GABRA3: variants seen among roughly 807,000 people sequenced by gnomAD.
GABRA3 encodes the protein gamma-aminobutyric acid receptor subunit alpha-3.
In GABRA3, 10 loss-of-function variants were observed where a neutral mutation model predicts 30.1. That is an observed-to-expected ratio of 0.33 (90% CI 0.20 to 0.56). The LOEUF is 0.56. Ranked by LOEUF, GABRA3 falls within the 20% of genes least tolerant of loss-of-function variation. The pLI, the probability that GABRA3 is intolerant of heterozygous loss-of-function variation, is 0.89. For synonymous variants in GABRA3, 151 were observed against 146.8 expected (o/e 1.03, Z -0.21); for missense variants, 233 against 392.0 (o/e 0.59, Z 3.42).
chrX:152,309,751 C>T (rs1187301468), intron 3 of GABRA3, among the ~76,000 whole-genome samples: 3 of 111,678 alleles, frequency 2.7e-5, no homozygotes, highest in East Asian at 2.8e-4. Context: ...CAGTTAACAA[C>T]GTGGTAACAG....
At position 152,293,578 on chromosome X, in the gene GABRA3, A is replaced by C. The variant is rs1403941844; in HGVS notation, c.263-8843T>G. The stretch of plus-strand genomic sequence containing the variant: ...TTACAATTAAGGTTAACAACTGTTA[A>C]CATTACAATAACAACAATAATAACA... On this transcript the variant is annotated intron_variant, in intron 3 of 9. Transcript: ENST00000370314. Among the ~76,000 whole-genome samples the C allele has an allele frequency of 5.4e-4, 60 of 111,386 alleles. 3 individuals are homozygous for C. The highest frequency in any genetic ancestry group is 1.1e-4 in the Non-Finnish European group (6 of 53,040).
chrX:152,384,800 G>C (rs778297514), intron 1 of GABRA3, among the ~76,000 whole-genome samples: 2 of 111,999 alleles, frequency 1.8e-5, no homozygotes, highest in South Asian at 7.3e-4. Context: ...ATGCAAGAAA[G>C]TGAGTAAACA....
intron 1 of GABRA3, among the ~76,000 whole-genome samples, chrX:152,395,965 T>C (rs1035851725): frequency 8.9e-6 from 1 of 111,953 alleles, no homozygotes; most frequent in African/African-American, 3.2e-5. Context: ...GTAAATGCTA[T>C]TATGGGTTGA....
chrX:152,254,767 G>A (rs1271345657), intron 5 of GABRA3, among the ~76,000 whole-genome samples: 5 of 111,404 alleles, frequency 4.5e-5, no homozygotes, highest in African/African-American at 1.6e-4. Flanking sequence ...CATTATTTGA[G>A]GTTTGTTCTG....
chrX:152,447,498 A>T (rs181592454), intron 1 of GABRA3, among the ~76,000 whole-genome samples: 25 of 111,553 alleles, frequency 2.2e-4, no homozygotes. Flanking sequence ...CCCACAACTA[A>T]TGTCAAATGG....
At chrX:152,326,230 G>C (rs1235230648) in intron 3 of GABRA3, among the ~76,000 whole-genome samples, 3 of 111,706 alleles carry the variant, frequency 2.7e-5, no homozygotes, top group African/African-American at 9.8e-5. Flanking sequence ...ACATCTGATT[G>C]GTGTACCTGA....
At position 152,322,899 on chromosome X, in the gene GABRA3, C is replaced by T. The variant is rs1391906205; in HGVS notation, c.262+22682G>A. Among the ~76,000 whole-genome samples the T allele has an allele frequency of 7.0e-5, 6 of 85,834 alleles. No individual in the cohort carries two copies. In the Admixed American group the frequency reaches 9.0e-4, roughly 13 times the overall value. 74.5% of individuals were successfully genotyped at this position (85,834 alleles called of 115,157 possible). ...GACAAAGTCTTGCTCTGTCACCAGG[C>T]TGGAGTGCAGTGGCGCAATCTCGGC... On this transcript the variant is annotated intron_variant, in intron 3 of 9. Coordinates refer to ENST00000370314, the MANE Select transcript of GABRA3 (RefSeq NM_000808.4).
chrX:152,182,660 A>ATATAT (rs1569348541), intron 9 of GABRA3, among the ~76,000 whole-genome samples: 17 of 83,324 alleles, frequency 2.0e-4, no homozygotes, highest in African/African-American at 8.1e-4. Flanking sequence ...ATACATATAT[A>ATATAT]GTGTATATAT....
intron 5 of GABRA3, among the ~76,000 whole-genome samples, chrX:152,240,929 C>G (rs1482085138): frequency 3.2e-5 from 3 of 93,201 alleles, no homozygotes; most frequent in Non-Finnish European, 6.3e-5. Flanking sequence ...ACTTCTTTGC[C>G]TTTGGTTTGA....
At chrX:152,209,307 G>C (rs752790475) in intron 6 of GABRA3, among the ~76,000 whole-genome samples, 37 of 111,416 alleles carry the variant, frequency 3.3e-4, no homozygotes, top group African/African-American at 1.1e-3. Context: ...ACTTTAGTCA[G>C]TATATTAAAG....
intron 1 of GABRA3, among the ~76,000 whole-genome samples, chrX:152,377,862 T>C (rs894724126): frequency 3.1e-4 from 35 of 111,686 alleles, no homozygotes; most frequent in Non-Finnish European, 6.4e-4. Context: ...ATCAGAAGCA[T>C]GCCTGTGTAT....
At chrX:152,254,133 T>G (rs911376230) in intron 5 of GABRA3, among the ~76,000 whole-genome samples, 1 of 111,795 alleles carries the variant, frequency 8.9e-6, no homozygotes, top group East Asian at 2.8e-4. Context: ...TTTAGGGTCA[T>G]GTATATATTA....
At chrX:152,283,802 G>A (rs1939240214) in intron 4 of GABRA3, among the ~76,000 whole-genome samples, 1 of 111,799 alleles carries the variant, frequency 8.9e-6, no homozygotes, top group Non-Finnish European at 1.9e-5. Flanking sequence ...TCTAAATAGT[G>A]AACATGGGCA....
chrX:152,289,925 C>A (rs1939371824), intron 3 of GABRA3, among the ~76,000 whole-genome samples: 1 of 112,036 alleles, frequency 8.9e-6, no homozygotes, highest in South Asian at 3.7e-4. Flanking sequence ...CATTGGTGGA[C>A]ATTTGGGTTG....
At chrX:152,400,095 G>A (rs976077427) in intron 1 of GABRA3, among the ~76,000 whole-genome samples, 35 of 111,602 alleles carry the variant, frequency 3.1e-4, no homozygotes, top group African/African-American at 1.1e-3. Flanking sequence ...ATACACACAC[G>A]TCACTCTGAA....
At chrX:152,443,489 T>C (rs942867689) in intron 1 of GABRA3, among the ~76,000 whole-genome samples, 2 of 111,771 alleles carry the variant, frequency 1.8e-5, no homozygotes, top group Admixed American at 9.5e-5. Flanking sequence ...TAATAATTCA[T>C]TCAACAAATA....
At chrX:152,226,897 G>A (rs1188755651) in intron 5 of GABRA3, among the ~76,000 whole-genome samples, 3 of 111,741 alleles carry the variant, frequency 2.7e-5, no homozygotes, top group Admixed American at 9.5e-5. Flanking sequence ...GTACTGGAGA[G>A]GATGTGGAGA....
chrX:152,238,254 G>A (rs1938271821), intron 5 of GABRA3, among the ~76,000 whole-genome samples: 1 of 97,939 alleles, frequency 1.0e-5, no homozygotes, highest in Non-Finnish European at 2.0e-5. Context: ...AGATAATCAT[G>A]TGGTTTTTGT....
chrX:152,321,796 T>A (rs1342949880), intron 3 of GABRA3, among the ~76,000 whole-genome samples: 1 of 111,094 alleles, frequency 9.0e-6, no homozygotes, highest in East Asian at 2.8e-4. Flanking sequence ...CAATGACAAA[T>A]ATTGGGGTTA....
Sources: gnomAD v4.1 joint callset for allele counts (sites outside exome capture counted in the v4.1 genomes callset) on GRCh38, gnomAD v4.1.1 for gene constraint, MANE v1.5 for transcripts, NCBI Gene and HGNC (gene_info 2026-07-23, HGNC 2026-07-21) for gene names.